The following DLG2 variants were observed in gnomAD, a reference collection of about 807,000 sequenced individuals.
DLG2 encodes the protein discs large MAGUK scaffold protein 2, also known as disks large homolog 2.
In DLG2, 45 loss-of-function variants were observed where a neutral mutation model predicts 132.5. That is an observed-to-expected ratio of 0.34 (90% CI 0.27 to 0.44). The LOEUF is 0.44. Ranked by LOEUF, DLG2 falls within the 20% of genes least tolerant of loss-of-function variation. The pLI, the probability that DLG2 is intolerant of heterozygous loss-of-function variation, is 1.00. For missense variants in DLG2, 1,045 were observed against 1,196.9 expected (o/e 0.87, Z 1.87); for synonymous variants, 424 against 419.6 (o/e 1.01, Z -0.13).
At chr11:85,328,759 T>C (rs2081544299) in intron 3 of DLG2, among the ~76,000 whole-genome samples, 2 of 150,192 alleles carry the variant, frequency 1.3e-5, no homozygotes, top group African/African-American at 4.9e-5. Flanking sequence ...AACATAGTGT[T>C]GGAAGTTCTG....
rs375328700 is a variant in DLG2, at chr11:84,297,395, C to G, written c.520-46104G>C. ...TCCAGGAAGAGATATATAATACCTG[C>G]AAGTTATTTTTGGCTTCCTTTATTT... On this transcript the variant is annotated intron_variant, in intron 7 of 27. Transcript: ENST00000376104. Among the ~76,000 whole-genome samples, 66 of 152,192 alleles carry G rather than the reference C, an allele frequency of 4.3e-4. 1 individual carries two copies. In the South Asian group the frequency reaches 0.013, roughly 30 times the overall value.
chr11:84,522,074 A>C (rs1050032257), intron 7 of DLG2, among the ~76,000 whole-genome samples: 5 of 152,180 alleles, frequency 3.3e-5, no homozygotes, highest in African/African-American at 1.2e-4. Flanking sequence ...AAGCTGAAGC[A>C]GGCGAATCAC....
intron 6 of DLG2, among the ~76,000 whole-genome samples, chr11:84,796,839 T>TTTTATTTATTTATTTATTTA (rs564095288): frequency 4.9e-4 from 74 of 149,848 alleles, no homozygotes; most frequent in African/African-American, 1.7e-3. Flanking sequence ...TTTTATTATA[T>TTTTATTTATTTATTTATTTA]TTTATTTATT....
intron 4 of DLG2, among the ~76,000 whole-genome samples, chr11:85,223,980 TA>T (rs1461570178): frequency 3.3e-5 from 5 of 151,914 alleles, no homozygotes; most frequent in Admixed American, 3.3e-4. Context: ...ATTTCTACTT[TA>T]AAAAAAAGGT....
chr11:84,010,187 T>C (rs889678338), intron 11 of DLG2, among the ~76,000 whole-genome samples: 2 of 152,044 alleles, frequency 1.3e-5, no homozygotes, highest in African/African-American at 4.8e-5. Context: ...GTAACACACG[T>C]TGCTAAATTT....
chr11:83,772,771 T>A (rs1473353417), intron 18 of DLG2, among the ~76,000 whole-genome samples: 1 of 152,016 alleles, frequency 6.6e-6, no homozygotes, highest in African/African-American at 2.4e-5. Flanking sequence ...CTGTTAAGTG[T>A]TTTTTTCTTC....
intron 26 of DLG2, 48 bp downstream of exon 26, chr11:83,466,660 C>T: frequency 9.3e-7 from 1 of 1,074,058 alleles, no homozygotes; most frequent in Non-Finnish European, 1.4e-6. Context: ...CAGTATAATA[C>T]AGAACAGGGA....
intron 18 of DLG2, among the ~76,000 whole-genome samples, chr11:83,696,129 A>G (rs1053653863): frequency 6.6e-6 from 1 of 152,200 alleles, no homozygotes; most frequent in African/African-American, 2.4e-5. Flanking sequence ...GGAGGTGTTG[A>G]GGCTGGGAGC....
At position 83,930,313 on chromosome 11, in the gene DLG2, A is replaced by C. The variant is rs752555009; in HGVS notation, c.1496+15T>G. On this transcript the variant is annotated intron_variant, in intron 15 of 27. Coordinates refer to ENST00000376104, the MANE Select transcript of DLG2 (RefSeq NM_001142699.3). ...TGCAGTTCGAGAAGATGAAGTGAGG[A>C]AGCGCATGCAGTACCTGGTCATCTC... The C allele has an allele frequency of 6.2e-7, 1 of 1,612,792 alleles. No individual in the cohort carries two copies. Among genetic ancestry groups the C allele is most frequent in the Admixed American group, 1.7e-5 (1 of 59,970 alleles).
intron 3 of DLG2, among the ~76,000 whole-genome samples, chr11:85,518,898 G>T (rs1024408209): frequency 9.9e-5 from 15 of 152,192 alleles, no homozygotes; most frequent in African/African-American, 3.6e-4. Context: ...TCAGGTTGTT[G>T]CTTCAGAGGG....
intron 7 of DLG2, among the ~76,000 whole-genome samples, chr11:84,394,011 G>A (rs892403452): frequency 8.6e-5 from 13 of 151,768 alleles, no homozygotes; most frequent in Non-Finnish European, 7.4e-5. Context: ...TCAGCCTCCC[G>A]AGTAGCTGTG....
intron 6 of DLG2, among the ~76,000 whole-genome samples, chr11:84,776,528 C>G (rs2070536929): frequency 6.6e-6 from 1 of 152,144 alleles, no homozygotes; most frequent in Non-Finnish European, 1.5e-5. Context: ...TTTACCTCAT[C>G]CCAAAAGTTC....
chr11:85,034,988 A>T (rs529039513), intron 6 of DLG2, among the ~76,000 whole-genome samples: 1 of 152,318 alleles, frequency 6.6e-6, no homozygotes, highest in Non-Finnish European at 1.5e-5. Flanking sequence ...CCACTAGATA[A>T]ATAATAACAG....
intron 18 of DLG2, among the ~76,000 whole-genome samples, chr11:83,684,144 A>G (rs117761273): frequency 0.012 from 1,781 of 152,180 alleles, 38 homozygotes; most frequent in African/African-American, 0.036. Context: ...GCAGGAAGAC[A>G]GGTATCTCTG....
intron 18 of DLG2, among the ~76,000 whole-genome samples, chr11:83,736,992 A>G (rs2091983386): frequency 6.6e-6 from 1 of 152,224 alleles, no homozygotes; most frequent in African/African-American, 2.4e-5. Context: ...TTCCAACTAC[A>G]AGTATCATTT....
chr11:84,714,378 A>G (rs933655297), intron 6 of DLG2, among the ~76,000 whole-genome samples: 2 of 152,058 alleles, frequency 1.3e-5, no homozygotes, highest in Non-Finnish European at 2.9e-5. Flanking sequence ...TGCCACAGAG[A>G]CTGTCTAGGC....
intron 8 of DLG2, among the ~76,000 whole-genome samples, chr11:84,185,374 T>C (rs2154285181): frequency 6.6e-6 from 1 of 152,272 alleles, no homozygotes; most frequent in South Asian, 2.1e-4. Context: ...TCTCTGTTTG[T>C]CTGTTATTTG....
intron 18 of DLG2, among the ~76,000 whole-genome samples, chr11:83,781,093 C>T (rs1305209748): frequency 6.6e-6 from 1 of 152,216 alleles, no homozygotes; most frequent in Non-Finnish European, 1.5e-5. Context: ...CTGTAGACAA[C>T]ATTTAGTAGA....
At chr11:83,605,022 A>AGAGAGAGAGAGAGAGAGAGG (rs1555236912) in intron 19 of DLG2, among the ~76,000 whole-genome samples, 5 of 151,408 alleles carry the variant, frequency 3.3e-5, no homozygotes, top group African/African-American at 1.2e-4. Context: ...AGAGAGAGAG[A>AGAGAGAGAGAGAGAGAGAGG]GAGAGAGAGA....
Sources: gnomAD v4.1 joint callset for allele counts (sites outside exome capture counted in the v4.1 genomes callset) on GRCh38, gnomAD v4.1.1 for gene constraint, MANE v1.5 for transcripts, NCBI Gene and HGNC (gene_info 2026-07-23, HGNC 2026-07-21) for gene names.